The following RFTN1 variants were observed in gnomAD, a reference collection of about 807,000 sequenced individuals.
RFTN1 encodes the protein raftlin.
Under a neutral mutation model 46.5 loss-of-function variants are expected in RFTN1, and 26 were observed. That is an observed-to-expected ratio of 0.56 (90% CI 0.41 to 0.78). RFTN1 has a LOEUF of 0.78. Ranked by LOEUF, RFTN1 falls within the 30% of genes least tolerant of loss-of-function variation. The probability of loss-of-function intolerance (pLI) is 0.00; values close to 1 mark genes in which losing one functional copy is unlikely to be tolerated. For synonymous variants in RFTN1, 261 were observed against 284.2 expected (o/e 0.92, Z 0.82); for missense variants, 693 against 718.7 (o/e 0.96, Z 0.41).
intron 2 of RFTN1, among the ~76,000 whole-genome samples, chr3:16,491,858 T>C (rs1486767781): frequency 6.6e-6 from 1 of 152,160 alleles, no homozygotes. Context: ...CATCTTGATA[T>C]ACTTCTTTTC....
At chr3:16,347,577 C>T (rs2071813157) in intron 7 of RFTN1, 1 of 152,194 alleles carries the variant, frequency 6.6e-6, no homozygotes, top group African/African-American at 2.4e-5. Context: ...TGTATAAAAT[C>T]TCCCTCTGCC....
intron 2 of RFTN1, among the ~76,000 whole-genome samples, chr3:16,492,743 A>G (rs549509178): frequency 9.2e-5 from 14 of 152,296 alleles, no homozygotes; most frequent in African/African-American, 3.1e-4. Context: ...CCAACTTACA[A>G]TTAAAACCTG....
rs1348627119 is a variant in RFTN1, at chr3:16,506,887, G to A, written c.-9+6555C>T. Among the ~76,000 whole-genome samples the A allele has an allele frequency of 1.4e-4, 22 of 152,196 alleles. No individual in the cohort carries two copies. Among genetic ancestry groups the A allele is most frequent in the Non-Finnish European group, 3.2e-4 (22 of 68,034 alleles). On this transcript the variant is annotated intron_variant, in intron 1 of 9. Transcript: ENST00000334133. The surrounding 1 kb of genome is among the most constrained non-coding windows in gnomAD (Gnocchi z 4.8). Reference sequence around the variant, plus strand: ...TACTTAGCAGCATCTTTCGGGAATAGGAAAGACACTTATCTGGTACAGGAT... The same window carrying A: ...TACTTAGCAGCATCTTTCGGGAATAAGAAAGACACTTATCTGGTACAGGAT...
Position 16,374,934 on chromosome 3 carries a change from T to C in RFTN1, c.826+2784A>G, listed in dbSNP as rs914129917. ...GAGATGGGGAGGGACGACCTGCCCC[T>C]GCTTCCGCATGGAGAATCCACTGGA... On this transcript the variant is annotated intron_variant, in intron 5 of 9. Coordinates refer to ENST00000334133, the MANE Select transcript of RFTN1 (RefSeq NM_015150.2). This position sits in a 1 kb window ranked among gnomAD's most constrained non-coding sequence, Gnocchi z 5.4. Among the ~76,000 whole-genome samples, 3 of 152,148 alleles carry C rather than the reference T, an allele frequency of 2.0e-5. No homozygotes were observed. The highest frequency in any genetic ancestry group is 7.2e-5 in the African/African-American group (3 of 41,434).
In RFTN1 at chr3:16,341,328, T is replaced by C. The variant is rs112385811; in HGVS notation, c.1147-14452A>G. On this transcript the variant is annotated intron_variant, in intron 7 of 9. Transcript: ENST00000334133. This position sits in a 1 kb window ranked among gnomAD's most constrained non-coding sequence, Gnocchi z 4.7. ...GTATTTACCCAAATAAGCTGAAAACTTTTGTCCACACAGAAACCTACACAT... is the reference window on the plus strand; with the variant it reads ...GTATTTACCCAAATAAGCTGAAAACCTTTGTCCACACAGAAACCTACACAT... Among the ~76,000 whole-genome samples the C allele has an allele frequency of 1.2e-3, 177 of 152,336 alleles. 1 individual carries two copies. Among genetic ancestry groups the C allele is most frequent in the Non-Finnish European group, 1.5e-3 (102 of 68,030 alleles).
chr3:16,393,963 T>A (rs2074411704), intron 4 of RFTN1, among the ~76,000 whole-genome samples: 2 of 151,884 alleles, frequency 1.3e-5, no homozygotes, highest in African/African-American at 4.8e-5. Flanking sequence ...CCGGCCAGAC[T>A]TTTTTTTAAG....
At position 16,356,885 on chromosome 3, in the gene RFTN1, C is replaced by A. The variant is rs1473702666; in HGVS notation, c.1146+1047G>T. Among the ~76,000 whole-genome samples, 1 of 152,190 alleles carries A rather than the reference C, an allele frequency of 6.6e-6. No homozygotes were observed. The highest frequency in any genetic ancestry group is 1.5e-5 in the Non-Finnish European group (1 of 68,032). ...ATCCCAGCACTTCAACAGGCCAAGG[C>A]AGGCAGATCACTTGAGGTCAGGAGT... On this transcript the variant is annotated intron_variant, in intron 7 of 9. Transcript: ENST00000334133. This position sits in a 1 kb window ranked among gnomAD's most constrained non-coding sequence, Gnocchi z 4.9.
intron 8 of RFTN1, among the ~76,000 whole-genome samples, chr3:16,326,297 AGTG>A (rs2069681685): frequency 6.6e-6 from 1 of 152,264 alleles, no homozygotes; most frequent in Admixed American, 6.5e-5. Flanking sequence ...GCTGGTGACC[AGTG>A]CTTGATCTTG....
At chr3:16,476,554 G>A (rs560508085) in intron 2 of RFTN1, among the ~76,000 whole-genome samples, 1 of 152,174 alleles carries the variant, frequency 6.6e-6, no homozygotes, top group African/African-American at 2.4e-5. Flanking sequence ...GTAAAAGAAG[G>A]CCTCTCTGAA....
At position 16,468,631 on chromosome 3, in the gene RFTN1, T is replaced by TAA. The variant is rs11328874; in HGVS notation, c.145+25092_145+25093dup. On this transcript the variant is annotated intron_variant, in intron 2 of 9. Transcript: ENST00000334133. The surrounding 1 kb of genome is among the most constrained non-coding windows in gnomAD (Gnocchi z 4.4). ...CCTCACGTACAACCCAGCGTTTGAG[T>TAA]AAAAAAAAAAAAAAAAAAAACTTTA... Among the ~76,000 whole-genome samples the TAA allele has an allele frequency of 7.2e-4, 72 of 100,124 alleles. No homozygotes were observed. The highest frequency in any genetic ancestry group is 1.4e-3 in the African/African-American group (40 of 28,548). 65.7% of individuals were successfully genotyped at this position (100,124 alleles called of 152,430 possible).
chr3:16,512,992 C>G lies in RFTN1; in HGVS notation c.-9+450G>C, dbSNP rs1292380359. On this transcript the variant is annotated intron_variant, in intron 1 of 9. Coordinates refer to ENST00000334133, the MANE Select transcript of RFTN1 (RefSeq NM_015150.2). This position sits in a 1 kb window ranked among gnomAD's most constrained non-coding sequence, Gnocchi z 4.3. ...CCCTGCCCCACCCAGGCCGCGCGCA[C>G]CCCGGAAACCTGGACTCCGCGACCA... 1 of 153,100 alleles carries G rather than the reference C, an allele frequency of 6.5e-6. No homozygotes were observed. The highest frequency in any genetic ancestry group is 1.5e-5 in the Non-Finnish European group (1 of 68,844). The allele number at this position is 153,100 out of a possible 1,614,324, so 9.5% of individuals were successfully genotyped here.
rs190814180 is a variant in RFTN1, at chr3:16,489,664, T to A, written c.145+4061A>T. 9.3e-4 allele frequency among the ~76,000 whole-genome samples: 142 copies of A among 152,142 alleles called. 2 individuals are homozygous for A. Among genetic ancestry groups the A allele is most frequent in the Admixed American group, 4.4e-3 (68 of 15,298 alleles). ...GGCTCATGCCTGTAAGCCCAGCACT[T>A]TGGGAGGCCGAGGTGGGTGGACCAC... On this transcript the variant is annotated intron_variant, in intron 2 of 9. Coordinates refer to ENST00000334133, the MANE Select transcript of RFTN1 (RefSeq NM_015150.2). The surrounding 1 kb of genome is among the most constrained non-coding windows in gnomAD (Gnocchi z 4.0).
chr3:16,493,636 CATCCAGCTCTCCAACTGCA>C, intron 2 of RFTN1, 70 bp downstream of exon 2: 2 of 1,206,458 alleles, frequency 1.7e-6, no homozygotes, highest in Non-Finnish European at 1.1e-6. Flanking sequence ...GCCCCCACCC[CATCCAGCTCTCCAACTGCA>C]CCCCCATCCC....
In RFTN1 at chr3:16,434,005, C is replaced by T. The variant is rs147754203; in HGVS notation, c.178G>A (p.Ala60Thr). Residue 60 changes from alanine to threonine, a missense_variant, in exon 3 of 10, where the codon GCC (alanine) becomes ACC (threonine). Ala to Thr is a moderately conservative substitution (Grantham distance 58). Transcript: ENST00000334133. ...TGGGCGGGCAGGTCACGCAGGGAGG[C>T]CAGCCTCACTGCTGAGGACCCAGGG... ...ELPGSSAVRL[A>T]SLRDLPAQLL... 1 of 1,610,762 alleles carries T rather than the reference C, an allele frequency of 6.2e-7. No individual in the cohort carries two copies. Among genetic ancestry groups the T allele is most frequent in the South Asian group, 1.1e-5 (1 of 90,700 alleles).
rs941492902 is a variant in RFTN1, at chr3:16,458,947, T to G, written c.146-24910A>C. On this transcript the variant is annotated intron_variant, in intron 2 of 9. Transcript: ENST00000334133. This position sits in a 1 kb window ranked among gnomAD's most constrained non-coding sequence, Gnocchi z 5.1. ...GCTACTGGGTTTTCCTTTCTTTTCT[T>G]TTCCTTGAGACAGCGTCTCACTCTG... Among the ~76,000 whole-genome samples, 1 of 152,192 alleles carries G rather than the reference T, an allele frequency of 6.6e-6. No homozygotes were observed. Among genetic ancestry groups the G allele is most frequent in the African/African-American group, 2.4e-5 (1 of 41,460 alleles).
intron 1 of RFTN1, among the ~76,000 whole-genome samples, chr3:16,501,153 G>A (rs111791780): frequency 3.9e-5 from 6 of 152,056 alleles, no homozygotes; most frequent in South Asian, 2.1e-4. Context: ...ACACACACAC[G>A]CACACACACA....
intron 2 of RFTN1, among the ~76,000 whole-genome samples, chr3:16,471,332 T>C (rs1185584312): frequency 1.3e-5 from 2 of 152,236 alleles, no homozygotes; most frequent in Non-Finnish European, 2.9e-5. Flanking sequence ...GTTCTGAAGT[T>C]AGACAACCTG....
rs1351549964 is a variant in RFTN1, at chr3:16,427,048, G to T, written c.332+6803C>A. ...CGAAGGCAGGATAAGCAGCTCAAAG[G>T]GTGTGTGATTACCTCTACTGATGTA... On this transcript the variant is annotated intron_variant, in intron 3 of 9. Transcript: ENST00000334133. The surrounding 1 kb of genome is among the most constrained non-coding windows in gnomAD (Gnocchi z 5.4). Among the ~76,000 whole-genome samples the T allele has an allele frequency of 6.6e-6, 1 of 152,056 alleles. No individual in the cohort carries two copies. Among genetic ancestry groups the T allele is most frequent in the Admixed American group, 6.5e-5 (1 of 15,272 alleles).
intron 4 of RFTN1, among the ~76,000 whole-genome samples, chr3:16,388,459 G>T (rs2074261134): frequency 6.6e-6 from 1 of 152,158 alleles, no homozygotes; most frequent in South Asian, 2.1e-4. Context: ...ATCCATCTGG[G>T]ACCAATAATG....
Sources: gnomAD v4.1 joint callset for allele counts (sites outside exome capture counted in the v4.1 genomes callset) on GRCh38, gnomAD v4.1.1 for gene constraint, Gnocchi (gnomAD v3.1) non-coding constraint, MANE v1.5 for transcripts, NCBI Gene and HGNC (gene_info 2026-07-23, HGNC 2026-07-21) for gene names.